RBBP4: variants seen among roughly 807,000 people sequenced by gnomAD.
RBBP4 encodes RB binding protein 4, chromatin remodeling factor.
In RBBP4, 3 loss-of-function variants were observed where a neutral mutation model predicts 57.2. The ratio of observed to expected loss-of-function variants is 0.05; its 90% CI spans 0.02 to 0.14. RBBP4 has a LOEUF of 0.14. Ranked by LOEUF, RBBP4 falls within the 10% of genes least tolerant of loss-of-function variation. The pLI is 1.00. For missense variants in RBBP4, 107 were observed against 520.6 expected, an observed-to-expected ratio of 0.21 and a Z score of 7.73; for synonymous variants, 151 against 171.5, an observed-to-expected ratio of 0.88 and a Z score of 0.93.
Position 32,684,999 on chromosome 1 carries a change from A to G in RBBP4, c.*5294A>G, listed in dbSNP as rs879213088. ...GAGGGTGTTGGCTATCCTATTGCTA[A>G]TTTCCTGCATCCTTTTTTCTTCTTT... is the stretch of plus-strand genomic sequence containing the variant. On this transcript the variant is annotated 3_prime_UTR_variant, in exon 12 of 12. Coordinates refer to ENST00000373493, the MANE Select transcript of RBBP4 (RefSeq NM_005610.3). 6.6e-6 allele frequency: 1 copy of G among 150,660 alleles called. No homozygotes were observed. The allele number at this position is 150,660 out of a possible 1,614,324, so 9.3% of individuals were successfully genotyped here.
rs560826147 is a variant in RBBP4, at chr1:32,679,402, G to A, written c.1213-238G>A. Among the ~76,000 whole-genome samples the A allele has an allele frequency of 2.1e-4, 32 of 152,330 alleles. 1 individual carries two copies. In the South Asian group the frequency reaches 4.4e-3, roughly 21 times the overall value. ...TTTTGTGGGAATGTCCTAATCAGGCGTCTGGGGATCAGCTGCTTATTTTTA... is the reference window on the plus strand; with the variant it reads ...TTTTGTGGGAATGTCCTAATCAGGCATCTGGGGATCAGCTGCTTATTTTTA... On this transcript the variant is annotated intron_variant, in intron 11 of 11. Transcript: ENST00000373493.
chr1:32,669,690 A>C lies in RBBP4; in HGVS notation c.966+127A>C. 1 of 1,377,602 alleles carries C rather than the reference A, an allele frequency of 7.3e-7. No individual in the cohort carries two copies. The highest frequency in any genetic ancestry group is 2.9e-4 in the Middle Eastern group (1 of 3,490). The allele number at this position is 1,377,602 out of a possible 1,614,324, so 85.3% of individuals were successfully genotyped here. On this transcript the variant is annotated intron_variant, in intron 8 of 11. Coordinates refer to ENST00000373493, the MANE Select transcript of RBBP4 (RefSeq NM_005610.3). This position sits in a 1 kb window ranked among gnomAD's most constrained non-coding sequence, Gnocchi z 4.9. ...CGGATCACAAGGTCAGGAGATCGAG[A>C]CCATCCTGGCTAACACGGTGAAACC...
At chr1:32,655,330 G>A (rs920614162) in intron 2 of RBBP4, among the ~76,000 whole-genome samples, 2 of 152,146 alleles carry the variant, frequency 1.3e-5, no homozygotes, top group Non-Finnish European at 2.9e-5. Flanking sequence ...CCCTGATGCA[G>A]TGTTTACTTT....
At chr1:32,670,169 C>CT (rs1648810306) in intron 8 of RBBP4, among the ~76,000 whole-genome samples, 1 of 152,276 alleles carries the variant, frequency 6.6e-6, no homozygotes, top group African/African-American at 2.4e-5. Flanking sequence ...CCAGCCTGGC[C>CT]AACCCTGTCT....
chr1:32,651,489 C>A (rs546992222), intron 1 of RBBP4, 167 bp downstream of exon 1: 4 of 1,360,826 alleles, frequency 2.9e-6, no homozygotes, highest in South Asian at 2.0e-5. Context: ...CTCGCCAGTT[C>A]CCTGGGACCG....
intron 2 of RBBP4, among the ~76,000 whole-genome samples, chr1:32,654,370 C>T (rs1648043228): frequency 6.6e-6 from 1 of 152,052 alleles, no homozygotes; most frequent in South Asian, 2.1e-4. Context: ...GGATTGCCAC[C>T]CTGTCTCAAA....
intron 3 of RBBP4, among the ~76,000 whole-genome samples, chr1:32,665,444 G>T (rs561744088): frequency 6.6e-6 from 1 of 152,286 alleles, no homozygotes; most frequent in South Asian, 2.1e-4. Context: ...TTGGGAGGCT[G>T]AAGCGGGTAG....
intron 11 of RBBP4, among the ~76,000 whole-genome samples, chr1:32,677,289 G>A (rs1649143011): frequency 6.6e-6 from 1 of 151,944 alleles, no homozygotes; most frequent in African/African-American, 2.4e-5. Context: ...GCCAACCTTG[G>A]GGTTGCAGGG....
intron 8 of RBBP4, among the ~76,000 whole-genome samples, chr1:32,671,485 A>C (rs1320744360): frequency 6.6e-6 from 1 of 152,152 alleles, no homozygotes; most frequent in Non-Finnish European, 1.5e-5. Context: ...TAAGAGGCTG[A>C]GGCAGGAGAA....
intron 11 of RBBP4, among the ~76,000 whole-genome samples, chr1:32,677,504 A>G (rs1373408974): frequency 6.6e-6 from 1 of 151,990 alleles, no homozygotes; most frequent in Non-Finnish European, 1.5e-5. Context: ...CAAACAAAAA[A>G]CAGTAATAGT....
At position 32,684,280 on chromosome 1, in the gene RBBP4, C is replaced by T. The variant is rs1416577001; in HGVS notation, c.*4575C>T. The T allele has an allele frequency of 2.5e-6, 4 of 1,614,196 alleles. No homozygotes were observed. Among genetic ancestry groups the T allele is most frequent in the South Asian group, 2.2e-5 (2 of 91,088 alleles). The stretch of plus-strand genomic sequence containing the variant: ...GACTTATAAGTAGAGAGCTCTTCAG[C>T]AAGACTGAGCCTTAGCTGTTCCATC... On this transcript the variant is annotated 3_prime_UTR_variant, in exon 12 of 12. Transcript: ENST00000373493.
At chr1:32,651,888 C>A (rs746834179) in intron 1 of RBBP4, 26 bp from the exon 2 acceptor site, 1 of 1,611,006 alleles carries the variant, frequency 6.2e-7, no homozygotes, top group African/African-American at 1.3e-5. Context: ...TGTTTGCTAA[C>A]TTAAATTTGT....
At chr1:32,662,278 T>C in intron 3 of RBBP4, 1 of 285,390 alleles carries the variant, frequency 3.5e-6, no homozygotes. Flanking sequence ...CACTGCAGCC[T>C]CCGCCTCCTG....
In RBBP4 at chr1:32,672,832, C is replaced by G; in HGVS notation, c.1143C>G (p.Ser381=). The G allele has an allele frequency of 6.2e-7, 1 of 1,613,820 alleles. No homozygotes were observed. The highest frequency in any genetic ancestry group is 1.1e-5 in the South Asian group (1 of 91,074). The change falls in exon 11 of 12, where the codon TCC becomes TCG. Residue 381 remains serine, a synonymous_variant. Transcript: ENST00000373493. ...ATACTGCCAAGATATCTGATTTCTC[C>G]TGGAATCCCAATGAACCTTGGGTGA... ...GGHTAKISDF[S]WNPNEPWVIC...
chr1:32,668,647 A>G (rs975710515), intron 4 of RBBP4, 92 bp from the exon 5 acceptor site: 1 of 1,012,552 alleles, frequency 9.9e-7, no homozygotes, highest in African/African-American at 1.6e-5. Flanking sequence ...AAATGTTAAG[A>G]GCTTTAGACA....
chr1:32,684,530 G>T lies in RBBP4; in HGVS notation c.*4825G>T. Reference sequence around the variant, plus strand: ...ATTTATATGATAGGTTATGAAACAGGTTCAAAGAAGTTGTGTCTTGGAAAA... The same window carrying T: ...ATTTATATGATAGGTTATGAAACAGTTTCAAAGAAGTTGTGTCTTGGAAAA... On this transcript the variant is annotated 3_prime_UTR_variant, in exon 12 of 12. Coordinates refer to ENST00000373493, the MANE Select transcript of RBBP4 (RefSeq NM_005610.3). 1 of 1,165,396 alleles carries T rather than the reference G, an allele frequency of 8.6e-7. No homozygotes were observed. The highest frequency in any genetic ancestry group is 1.2e-6 in the Non-Finnish European group (1 of 848,160). 72.2% of individuals were successfully genotyped at this position (1,165,396 alleles called of 1,614,324 possible). A position where few individuals can be genotyped will look rare whatever the true frequency, so the allele number is the denominator to read the frequency against.
At chr1:32,666,980 G>A (rs559075638) in intron 3 of RBBP4, among the ~76,000 whole-genome samples, 1 of 152,216 alleles carries the variant, frequency 6.6e-6, no homozygotes, top group Non-Finnish European at 1.5e-5. Flanking sequence ...TGTCACGCCC[G>A]CATAAGGGCC....
intron 3 of RBBP4, among the ~76,000 whole-genome samples, chr1:32,664,448 TTTTG>T (rs1040617298): frequency 1.2e-4 from 19 of 152,022 alleles, no homozygotes; most frequent in African/African-American, 2.7e-4. Flanking sequence ...ATGCTTCTTT[TTTTG>T]TTTGTTTGTT....
chr1:32,684,512 T>G lies in RBBP4; in HGVS notation c.*4807T>G. ...AGCAGTATTGAGGCTGGTATTTATA[T>G]GATAGGTTATGAAACAGGTTCAAAG... On this transcript the variant is annotated 3_prime_UTR_variant, in exon 12 of 12. Transcript: ENST00000373493. 7.6e-7 allele frequency: 1 copy of G among 1,317,282 alleles called. No individual in the cohort carries two copies. The highest frequency in any genetic ancestry group is 1.0e-6 in the Non-Finnish European group (1 of 969,036). The allele number at this position is 1,317,282 out of a possible 1,614,324, so 81.6% of individuals were successfully genotyped here. A position where few individuals can be genotyped will look rare whatever the true frequency, so the allele number is the denominator to read the frequency against.
Sources: gnomAD v4.1 joint callset for allele counts (sites outside exome capture counted in the v4.1 genomes callset) on GRCh38, gnomAD v4.1.1 for gene constraint, Gnocchi (gnomAD v3.1) non-coding constraint, MANE v1.5 for transcripts, NCBI Gene and HGNC (gene_info 2026-07-23, HGNC 2026-07-21) for gene names.